Variants in STAC observed in about 807,000 individuals in gnomAD.
STAC encodes SH3 and cysteine rich domain.
In STAC, 43 loss-of-function variants were observed where a neutral mutation model predicts 48.8. That is an observed-to-expected ratio of 0.88 (90% CI 0.69 to 1.14). The LOEUF is 1.14. Ranked by LOEUF, STAC falls within the 50% of genes most tolerant of loss-of-function variation. The pLI, the probability that STAC is intolerant of heterozygous loss-of-function variation, is 0.00. For missense variants in STAC, 497 were observed against 504.0 expected (o/e 0.99, Z 0.13); for synonymous variants, 193 against 179.5 (o/e 1.07, Z -0.60).
chr3:36,440,866 G>T (rs1696325893), intron 1 of STAC, among the ~76,000 whole-genome samples: 1 of 152,190 alleles, frequency 6.6e-6, no homozygotes, highest in Non-Finnish European at 1.5e-5. Context: ...TGTGTAGGGG[G>T]AGTCTGACCA....
intron 6 of STAC, among the ~76,000 whole-genome samples, chr3:36,493,621 T>C (rs940158258): frequency 1.3e-5 from 2 of 152,030 alleles, no homozygotes; most frequent in African/African-American, 4.8e-5. Flanking sequence ...TAATTTGTGC[T>C]ACACCTTAGG....
chr3:36,457,037 G>A (rs1158841771), intron 2 of STAC, among the ~76,000 whole-genome samples: 4 of 152,108 alleles, frequency 2.6e-5, no homozygotes, highest in Admixed American at 1.3e-4. Context: ...GAAGAATTAC[G>A]ATCATGCTGC....
chr3:36,543,675 C>T (rs1210127957), intron 10 of STAC, among the ~76,000 whole-genome samples: 1 of 152,118 alleles, frequency 6.6e-6, no homozygotes, highest in Admixed American at 6.5e-5. Flanking sequence ...GCTCCAAGAA[C>T]TGAAATTCGT....
At chr3:36,485,100 C>A in intron 4 of STAC, 42 bp downstream of exon 4, 1 of 1,521,692 alleles carries the variant, frequency 6.6e-7, no homozygotes, top group Non-Finnish European at 9.0e-7. Context: ...TTTGAAGCAG[C>A]AAAGTTAACA....
At chr3:36,491,717 A>T (rs968477403) in intron 5 of STAC, among the ~76,000 whole-genome samples, 1 of 151,958 alleles carries the variant, frequency 6.6e-6, no homozygotes, top group Non-Finnish European at 1.5e-5. Context: ...ATAATTTTTT[A>T]AAATATGACT....
chr3:36,409,162 G>A (rs557927567), intron 1 of STAC, among the ~76,000 whole-genome samples: 1 of 152,232 alleles, frequency 6.6e-6, no homozygotes, highest in African/African-American at 2.4e-5. Context: ...ATATAAACGT[G>A]GGTTTGACAT....
chr3:36,545,583 GC>G (rs1360249563), intron 10 of STAC, among the ~76,000 whole-genome samples: 1 of 152,212 alleles, frequency 6.6e-6, no homozygotes, highest in Non-Finnish European at 1.5e-5. Context: ...ACCCTTCTAT[GC>G]CCTTCAGTGG....
chr3:36,497,081 C>G (rs1342995972), intron 6 of STAC, among the ~76,000 whole-genome samples: 1 of 151,546 alleles, frequency 6.6e-6, no homozygotes, highest in Non-Finnish European at 1.5e-5. Flanking sequence ...TTAGCATGTA[C>G]TAATTCAATA....
At chr3:36,398,372 G>GA (rs1301672864) in intron 1 of STAC, among the ~76,000 whole-genome samples, 19 of 108,390 alleles carry the variant, frequency 1.8e-4, no homozygotes, top group African/African-American at 4.0e-4. Flanking sequence ...AGAAAGAAAA[G>GA]AAAGAGAGAA....
intron 1 of STAC, among the ~76,000 whole-genome samples, chr3:36,393,942 A>C (rs1168328505): frequency 6.6e-6 from 1 of 152,060 alleles, no homozygotes; most frequent in Non-Finnish European, 1.5e-5. Context: ...TAAGGGCATG[A>C]GTTGTGTGAA....
chr3:36,447,649 CCA>C (rs3061960), intron 2 of STAC, among the ~76,000 whole-genome samples: 44,084 of 145,972 alleles, frequency 0.3, 6,546 homozygotes, highest in African/African-American at 0.37. Flanking sequence ...TGTATACACA[CCA>C]CACACACACA....
At chr3:36,537,577 A>C (rs1486629519) in intron 10 of STAC, among the ~76,000 whole-genome samples, 1 of 152,150 alleles carries the variant, frequency 6.6e-6, no homozygotes, top group Non-Finnish European at 1.5e-5. Context: ...GAGGGAGAGC[A>C]TCAGGATAAA....
At chr3:36,482,858 T>A in intron 2 of STAC, 134 bp from the exon 3 acceptor site, 1 of 628,406 alleles carries the variant, frequency 1.6e-6, no homozygotes, top group Non-Finnish European at 2.9e-6. Flanking sequence ...TATATATTTT[T>A]TTTCTATTTT....
Position 36,483,103 on chromosome 3 carries a change from G to C in STAC, c.489+11G>C. On this transcript the variant is annotated intron_variant, in intron 3 of 10. Coordinates refer to ENST00000273183, the MANE Select transcript of STAC (RefSeq NM_003149.3). ...TGCATGGGCAAGCTGGTAAGGGCTT[G>C]TGCCAGGAGTGAGGCCCACACCTCT... 6.2e-7 allele frequency: 1 copy of C among 1,604,858 alleles called. No individual in the cohort carries two copies. The highest frequency in any genetic ancestry group is 8.5e-7 in the Non-Finnish European group (1 of 1,171,742).
At chr3:36,451,310 G>T (rs1696672797) in intron 2 of STAC, among the ~76,000 whole-genome samples, 1 of 152,014 alleles carries the variant, frequency 6.6e-6, no homozygotes, top group African/African-American at 2.4e-5. Flanking sequence ...ATGGTATTTT[G>T]TTCCCCTATG....
intron 1 of STAC, among the ~76,000 whole-genome samples, chr3:36,436,309 C>T (rs1273834559): frequency 6.6e-6 from 1 of 152,196 alleles, no homozygotes; most frequent in African/African-American, 2.4e-5. Context: ...TGCCTTCCTA[C>T]AGTCAGTATT....
In STAC at chr3:36,483,016, G is replaced by T; in HGVS notation, c.413G>T (p.Arg138Leu). 1 of 1,614,074 alleles carries T rather than the reference G, an allele frequency of 6.2e-7. No homozygotes were observed. The highest frequency in any genetic ancestry group is 8.5e-7 in the Non-Finnish European group (1 of 1,179,968). Residue 138 changes from arginine (R) to leucine (L), a missense_variant, in exon 3 of 11, where the codon CGC (arginine) becomes CTC (leucine). Physicochemically the swap from Arg to Leu is moderately radical, Grantham distance 102. Transcript: ENST00000273183. The part of the protein sequence containing the change: ...IVGTNAKHGL[R>L]CKACKMSIHH... ...GGAACAAATGCTAAGCATGGACTGC[G>T]CTGCAAAGCCTGTAAGATGAGCATC...
At chr3:36,540,311 C>A (rs770774202) in intron 10 of STAC, among the ~76,000 whole-genome samples, 1 of 152,068 alleles carries the variant, frequency 6.6e-6, no homozygotes, top group Non-Finnish European at 1.5e-5. Context: ...TATAAGCCAC[C>A]AAATTTGGGG....
intron 1 of STAC, among the ~76,000 whole-genome samples, chr3:36,387,704 T>C (rs1307419841): frequency 6.6e-6 from 1 of 152,126 alleles, no homozygotes; most frequent in African/African-American, 2.4e-5. Flanking sequence ...CCATTGTATA[T>C]ATATACTACA....
Sources: allele counts gnomAD v4.1 joint callset (sites outside exome capture counted in the v4.1 genomes callset), GRCh38; gene constraint gnomAD v4.1.1; transcripts MANE v1.5; gene names NCBI Gene and HGNC (gene_info 2026-07-23, HGNC 2026-07-21).